Variants in PCSK5 observed in about 807,000 individuals in gnomAD.
PCSK5 encodes proprotein convertase subtilisin/kexin type 5, also known as prohormone convertase 5.
Under a neutral mutation model 233.2 loss-of-function variants are expected in PCSK5, and 129 were observed. That is an observed-to-expected ratio of 0.55 (90% CI 0.48 to 0.64). PCSK5 has a LOEUF of 0.64. PCSK5 is among the 30% of genes least tolerant of loss of function. The pLI is 0.00. For synonymous variants in PCSK5, 825 were observed against 879.2 expected, an observed-to-expected ratio of 0.94 and a Z score of 1.09; for missense variants, 2,076 against 2,430.1, an observed-to-expected ratio of 0.85 and a Z score of 3.06.
intron 3 of PCSK5, among the ~76,000 whole-genome samples, chr9:76,004,028 C>T (rs1827372568): frequency 6.6e-6 from 1 of 152,064 alleles, no homozygotes; most frequent in South Asian, 2.1e-4. Flanking sequence ...AAGTTCCTGG[C>T]CTCAGGTGAT....
intron 32 of PCSK5, among the ~76,000 whole-genome samples, chr9:76,325,382 C>A (rs1172862309): frequency 1.3e-5 from 2 of 152,098 alleles, no homozygotes; most frequent in East Asian, 3.9e-4. Context: ...GAGAAAGGCC[C>A]CTGGTTGCCC....
intron 9 of PCSK5, among the ~76,000 whole-genome samples, chr9:76,128,957 G>T (rs1020622289): frequency 9.8e-5 from 15 of 152,290 alleles, no homozygotes; most frequent in Non-Finnish European, 2.1e-4. Context: ...AGATACTCCT[G>T]CTCGCAGTGG....
intron 20 of PCSK5, among the ~76,000 whole-genome samples, chr9:76,206,867 A>T (rs1379602177): frequency 6.6e-6 from 1 of 150,552 alleles, no homozygotes; most frequent in African/African-American, 2.5e-5. Flanking sequence ...ACCATAAAAC[A>T]ATACATATTT....
intron 3 of PCSK5, among the ~76,000 whole-genome samples, chr9:76,010,531 A>G (rs1247114806): frequency 6.6e-6 from 1 of 152,180 alleles, no homozygotes; most frequent in East Asian, 1.9e-4. Flanking sequence ...ATAAAGTGGA[A>G]AGGGCTGCAT....
At chr9:75,985,348 C>T (rs142795542) in intron 2 of PCSK5, among the ~76,000 whole-genome samples, 90 of 152,230 alleles carry the variant, frequency 5.9e-4, no homozygotes, top group African/African-American at 2.1e-3. Context: ...AGATGTTTCT[C>T]CAATAGAGCA....
At chr9:76,051,881 A>C (rs1829642427) in intron 5 of PCSK5, among the ~76,000 whole-genome samples, 2 of 152,198 alleles carry the variant, frequency 1.3e-5, no homozygotes, top group Admixed American at 6.5e-5. Context: ...CAGAAGACTA[A>C]ACAGAACCCT....
rs761316588 is a variant in PCSK5 at position 76,302,126 on chromosome 9, T to A, written c.3524-11T>A. On this transcript the variant is annotated splice_polypyrimidine_tract_variant and intron_variant, in intron 27 of 37. Transcript: ENST00000674117. ...AAAAAAAACTAAACACTTTTTTTTT[T>A]AATAAAAAAGAAGCTGTGTCCACTG... is the stretch of plus-strand genomic sequence containing the variant. 5.5e-6 allele frequency: 7 copies of A among 1,271,316 alleles called. No individual in the cohort carries two copies. Among genetic ancestry groups the A allele is most frequent in the Admixed American group, 2.7e-5 (1 of 37,312 alleles). 78.8% of individuals were successfully genotyped at this position (1,271,316 alleles called of 1,614,324 possible). A position where few individuals can be genotyped will look rare whatever the true frequency, so the allele number is the denominator to read the frequency against.
At chr9:76,210,494 T>C (rs1005331509) in intron 20 of PCSK5, among the ~76,000 whole-genome samples, 8 of 152,198 alleles carry the variant, frequency 5.3e-5, no homozygotes, top group Non-Finnish European at 1.0e-4. Context: ...ATGGATGTGA[T>C]GAGGCCAAAT....
chr9:76,079,325 G>A (rs1185274555), intron 7 of PCSK5, among the ~76,000 whole-genome samples: 1 of 151,616 alleles, frequency 6.6e-6, no homozygotes, highest in African/African-American at 2.4e-5. Flanking sequence ...AAAATTAGCT[G>A]GGCATGTTTC....
intron 4 of PCSK5, among the ~76,000 whole-genome samples, chr9:76,024,804 G>T (rs1487757852): frequency 6.6e-6 from 1 of 152,176 alleles, no homozygotes; most frequent in African/African-American, 2.4e-5. Flanking sequence ...AAGAGAGAAA[G>T]CACGTTCGGT....
At chr9:76,151,460 A>G (rs1379350452) in intron 10 of PCSK5, among the ~76,000 whole-genome samples, 1 of 152,138 alleles carries the variant, frequency 6.6e-6, no homozygotes, top group Non-Finnish European at 1.5e-5. Flanking sequence ...TATTCCCTGC[A>G]CACTTACCAC....
chr9:75,999,259 G>T (rs1359043628), intron 3 of PCSK5, among the ~76,000 whole-genome samples: 1 of 151,888 alleles, frequency 6.6e-6, no homozygotes, highest in Admixed American at 6.6e-5. Flanking sequence ...CCCTCCCTGT[G>T]TCCATGTGTT....
rs548101412 is a variant in PCSK5, at chr9:76,212,020, T to C, written c.2627-15483T>C. ...ACTTCATAATTGATTAAATAGCAGC[T>C]ACGCTTGGGACCATTCTAAATGGTC... On this transcript the variant is annotated intron_variant, in intron 20 of 37. Coordinates refer to ENST00000674117, the MANE Select transcript of PCSK5 (RefSeq NM_001372043.1). 1.1e-4 allele frequency among the ~76,000 whole-genome samples: 17 copies of C among 152,336 alleles called. No individual in the cohort carries two copies. In the South Asian group the frequency reaches 3.1e-3, roughly 28 times the overall value.
At chr9:76,298,313 T>C (rs1828504475) in intron 27 of PCSK5, among the ~76,000 whole-genome samples, 1 of 152,020 alleles carries the variant, frequency 6.6e-6, no homozygotes, top group African/African-American at 2.4e-5. Context: ...ACTATCACAA[T>C]GTAATGTTTT....
At position 76,189,082 on chromosome 9, in the gene PCSK5, C is replaced by T. The variant is rs755792605; in HGVS notation, c.2381-12C>T. On this transcript the variant is annotated splice_polypyrimidine_tract_variant and intron_variant, in intron 18 of 37. Transcript: ENST00000674117. ...TTTATTTCTCGTTTCCTGTGTTTGT[C>T]TTGCTTTTAAGGGGCAGGAGCTGAT... is the stretch of plus-strand genomic sequence containing the variant. 3 of 1,610,914 alleles carry T rather than the reference C, an allele frequency of 1.9e-6. No homozygotes were observed. The highest frequency in any genetic ancestry group is 8.5e-7 in the Non-Finnish European group (1 of 1,179,108).
chr9:76,131,248 C>T (rs189922696), intron 9 of PCSK5, among the ~76,000 whole-genome samples: 40 of 152,196 alleles, frequency 2.6e-4, no homozygotes, highest in African/African-American at 9.1e-4. Context: ...AAACAAGAGT[C>T]GTCTCTGGAT....
chr9:76,196,443 G>A (rs1824706355), intron 20 of PCSK5, among the ~76,000 whole-genome samples: 1 of 152,256 alleles, frequency 6.6e-6, no homozygotes, highest in African/African-American at 2.4e-5. Context: ...GACTGAACGA[G>A]CTAGCTAAAA....
intron 10 of PCSK5, among the ~76,000 whole-genome samples, chr9:76,137,362 C>G (rs900454466): frequency 1.3e-5 from 2 of 152,076 alleles, no homozygotes; most frequent in Non-Finnish European, 2.9e-5. Flanking sequence ...ATGAGATGAC[C>G]TCACAGAGAG....
intron 13 of PCSK5, among the ~76,000 whole-genome samples, chr9:76,173,308 C>T (rs1331388): frequency 1.3e-5 from 2 of 152,100 alleles, no homozygotes; most frequent in Non-Finnish European, 2.9e-5. Flanking sequence ...CCGTCACTTT[C>T]TGAGCTAGCC....
Sources: allele counts gnomAD v4.1 joint callset (sites outside exome capture counted in the v4.1 genomes callset), GRCh38; gene constraint gnomAD v4.1.1; transcripts MANE v1.5; gene names NCBI Gene and HGNC (gene_info 2026-07-23, HGNC 2026-07-21).